VPS36: variants seen among roughly 807,000 people sequenced by gnomAD.
VPS36 encodes vacuolar protein sorting 36 homolog, also known as vacuolar protein-sorting-associated protein 36.
In VPS36, 31 loss-of-function variants were observed where a neutral mutation model predicts 63.5. The observed-to-expected ratio is 0.49, with a 90% CI of 0.37 to 0.66. VPS36 has a LOEUF of 0.66. VPS36 is among the 30% of genes least tolerant of loss of function. The pLI is 0.00. For missense variants in VPS36, 338 were observed against 463.7 expected (o/e 0.73, Z 2.49); for synonymous variants, 138 against 157.2 (o/e 0.88, Z 0.91).
intron 1 of VPS36, among the ~76,000 whole-genome samples, chr13:52,443,274 G>A (rs1192608167): frequency 1.3e-5 from 2 of 152,074 alleles, no homozygotes; most frequent in Admixed American, 6.6e-5. Context: ...TTTCTAAGAA[G>A]GCATAAAACC....
At chr13:52,450,396 G>T in intron 1 of VPS36, 103 bp downstream of exon 1, 3 of 1,328,658 alleles carry the variant, frequency 2.3e-6, no homozygotes, top group South Asian at 1.8e-5. Flanking sequence ...CGTGAGCTAA[G>T]CCGGGGACCG....
chr13:52,448,930 G>A (rs988656557), intron 1 of VPS36, among the ~76,000 whole-genome samples: 1 of 152,108 alleles, frequency 6.6e-6, no homozygotes, highest in Non-Finnish European at 1.5e-5. Flanking sequence ...AAGGGGAGGT[G>A]GATTAACCTT....
intron 10 of VPS36, among the ~76,000 whole-genome samples, chr13:52,421,002 T>A (rs982201089): frequency 1.3e-5 from 2 of 152,104 alleles, no homozygotes; most frequent in African/African-American, 4.8e-5. Context: ...ACGGCTGTAA[T>A]CCCAGCTACT....
At chr13:52,426,090 C>G in intron 8 of VPS36, 24 bp from the exon 9 acceptor site, 2 of 1,605,870 alleles carry the variant, frequency 1.2e-6, no homozygotes, top group Non-Finnish European at 1.7e-6. Context: ...GGAGAAAATG[C>G]AGAATTAGTC....
chr13:52,417,208 A>T, intron 11 of VPS36, 67 bp from the exon 12 acceptor site: 1 of 1,397,700 alleles, frequency 7.2e-7, no homozygotes, highest in Non-Finnish European at 1.0e-6. Context: ...GAAAAGGAGG[A>T]CATCTTTTAT....
intron 8 of VPS36, 131 bp downstream of exon 8, chr13:52,426,858 A>G (rs753355548): frequency 2.1e-5 from 13 of 619,222 alleles, no homozygotes; most frequent in Non-Finnish European, 2.8e-5. Flanking sequence ...CCGTCTCATA[A>G]ATAAATAAAC....
rs373002125 is a variant in VPS36, at chr13:52,434,923, T to C, written c.352-41A>G. On this transcript the variant is annotated intron_variant, in intron 4 of 13. Coordinates refer to ENST00000378060, the MANE Select transcript of VPS36 (RefSeq NM_016075.4). ...ATACACTTTAAATGACTCAGTCAGA[T>C]TGTAACATCCTTGTATAAATCATTA... 323 of 1,527,242 alleles carry C rather than the reference T, an allele frequency of 2.1e-4. 4 individuals are homozygous for C. Among genetic ancestry groups the C allele is most frequent in the South Asian group, 2.0e-3 (176 of 86,618 alleles). 94.6% of individuals were successfully genotyped at this position (1,527,242 alleles called of 1,614,324 possible). A position where few individuals can be genotyped will look rare whatever the true frequency, so the allele number is the denominator to read the frequency against.
intron 6 of VPS36, among the ~76,000 whole-genome samples, chr13:52,431,687 C>T (rs1188387535): frequency 1.3e-5 from 2 of 148,566 alleles, no homozygotes; most frequent in Non-Finnish European, 3.0e-5. Flanking sequence ...CGCTTGAATC[C>T]GGGAAGCAGA....
At chr13:52,422,984 A>C (rs892358102) in intron 10 of VPS36, among the ~76,000 whole-genome samples, 2 of 152,024 alleles carry the variant, frequency 1.3e-5, no homozygotes, top group African/African-American at 4.8e-5. Context: ...GTTTCTGATG[A>C]GATCTGATGG....
chr13:52,439,595 G>A (rs1048635546), intron 2 of VPS36, among the ~76,000 whole-genome samples: 3 of 151,918 alleles, frequency 2.0e-5, no homozygotes, highest in Admixed American at 2.0e-4. Flanking sequence ...ACAGGTGCCC[G>A]CCACCACGTC....
intron 1 of VPS36, among the ~76,000 whole-genome samples, chr13:52,445,720 G>A (rs1467228655): frequency 1.4e-5 from 2 of 143,806 alleles, no homozygotes; most frequent in Non-Finnish European, 3.0e-5. Flanking sequence ...GGCGGATCAC[G>A]AGGTCAGGAG....
chr13:52,444,289 C>G (rs911628081), intron 1 of VPS36, among the ~76,000 whole-genome samples: 1 of 151,930 alleles, frequency 6.6e-6, no homozygotes, highest in African/African-American at 2.4e-5. Flanking sequence ...AACCCCGTCT[C>G]TACTTTAAAA....
chr13:52,427,666 A>G (rs1408286240), intron 6 of VPS36, among the ~76,000 whole-genome samples: 1 of 152,136 alleles, frequency 6.6e-6, no homozygotes, highest in African/African-American at 2.4e-5. Context: ...AACTATTTAT[A>G]TAAATAATAA....
chr13:52,427,585 C>T (rs531524050), intron 6 of VPS36, among the ~76,000 whole-genome samples: 83 of 149,262 alleles, frequency 5.6e-4, no homozygotes, highest in African/African-American at 1.9e-3. Context: ...CCAGCCTGGG[C>T]GACAAAGCAA....
Position 52,415,987 on chromosome 13 carries a change from A to G in VPS36, c.1067+30T>C, listed in dbSNP as rs1350105234. The G allele has an allele frequency of 4.3e-6, 7 of 1,613,034 alleles. No homozygotes were observed. The South Asian group carries it at 4.4e-5, about 10-fold the overall frequency. On this transcript the variant is annotated intron_variant, in intron 13 of 13. Coordinates refer to ENST00000378060, the MANE Select transcript of VPS36 (RefSeq NM_016075.4). ...TGTTCATGCAGACACACAAACATAC[A>G]TTGTAATGAAAGGTAAGAACCTTAC...
At chr13:52,448,066 T>C (rs928773219) in intron 1 of VPS36, among the ~76,000 whole-genome samples, 1 of 152,208 alleles carries the variant, frequency 6.6e-6, no homozygotes, top group African/African-American at 2.4e-5. Context: ...AAAAAAAATG[T>C]GTTTCACACC....
intron 1 of VPS36, chr13:52,450,259 G>A (rs986717122): frequency 1.8e-6 from 2 of 1,129,268 alleles, no homozygotes; most frequent in Non-Finnish European, 2.2e-6. Flanking sequence ...CGCGCCTGCT[G>A]GGAACCGTGC....
chr13:52,416,160 G>C, intron 12 of VPS36, 67 bp from the exon 13 acceptor site: 1 of 1,478,488 alleles, frequency 6.8e-7, no homozygotes, highest in South Asian at 1.2e-5. Context: ...CACACTCTGG[G>C]TTCTAATGGT....
Position 52,414,085 on chromosome 13 carries a change from G to A in VPS36, c.*1745C>T, listed in dbSNP as rs1203955609. On this transcript the variant is annotated 3_prime_UTR_variant, in exon 14 of 14. Transcript: ENST00000378060. ...GAATCCAAACCATTAGCGCTAGATTGAGTAGCTCCAGCAATCTTCCTTGCA... is the reference window on the plus strand; with the variant it reads ...GAATCCAAACCATTAGCGCTAGATTAAGTAGCTCCAGCAATCTTCCTTGCA... The A allele has an allele frequency of 6.6e-6, 1 of 152,124 alleles. No homozygotes were observed. Among genetic ancestry groups the A allele is most frequent in the Non-Finnish European group, 1.5e-5 (1 of 68,040 alleles). 9.4% of individuals were successfully genotyped at this position (152,124 alleles called of 1,614,324 possible).
Sources: allele counts gnomAD v4.1 joint callset (sites outside exome capture counted in the v4.1 genomes callset), GRCh38; gene constraint gnomAD v4.1.1; transcripts MANE v1.5; gene names NCBI Gene and HGNC (gene_info 2026-07-23, HGNC 2026-07-21).